The following FGF18 variants were observed in gnomAD, a reference collection of about 807,000 sequenced individuals.
FGF18 encodes fibroblast growth factor 18.
A neutral mutation model predicts 23.0 loss-of-function variants in FGF18; 5 were observed. The ratio of observed to expected loss-of-function variants is 0.22; its 90% CI spans 0.11 to 0.46. FGF18 has a LOEUF of 0.46. Among genes scored for constraint, FGF18 ranks in the 20% least tolerant of loss-of-function variants. The probability of loss-of-function intolerance (pLI) is 0.99; values close to 1 mark genes in which losing one functional copy is unlikely to be tolerated. For missense variants in FGF18, 180 were observed against 291.6 expected (o/e 0.62, Z 2.79); for synonymous variants, 117 against 118.9 (o/e 0.98, Z 0.10).
At chr5:171,429,848 T>G (rs1772150308) in intron 2 of FGF18, among the ~76,000 whole-genome samples, 2 of 152,222 alleles carry the variant, frequency 1.3e-5, no homozygotes, top group Non-Finnish European at 1.5e-5. Flanking sequence ...CCAACCTCCT[T>G]ACCCCCAAAC....
At chr5:171,454,488 A>G (rs954566165) in intron 4 of FGF18, among the ~76,000 whole-genome samples, 2 of 152,104 alleles carry the variant, frequency 1.3e-5, no homozygotes, top group Non-Finnish European at 2.9e-5. Context: ...CACGCCACCC[A>G]TACTGTCCTC....
chr5:171,456,592 C>T lies in FGF18; in HGVS notation c.411C>T (p.Asn137=). 6.2e-7 allele frequency: 1 copy of T among 1,614,202 alleles called. No homozygotes were observed. Among genetic ancestry groups the T allele is most frequent in the Non-Finnish European group, 8.5e-7 (1 of 1,180,040 alleles). Residue 137 remains asparagine (N), a synonymous_variant, in exon 5 of 5, where the codon AAC becomes AAT. Coordinates refer to ENST00000274625, the MANE Select transcript of FGF18 (RefSeq NM_003862.3). This position sits in a 1 kb window ranked among gnomAD's most constrained non-coding sequence, Gnocchi z 6.1. ...CVFIEKVLEN[N]YTALMSAKYS... is the part of the protein sequence containing the mutation. ...TCATCGAGAAGGTTCTGGAGAACAACTACACGGCCCTGATGTCGGCTAAGT... is the reference window on the plus strand; with the variant it reads ...TCATCGAGAAGGTTCTGGAGAACAATTACACGGCCCTGATGTCGGCTAAGT...
chr5:171,435,052 A>G (rs1317544899), intron 2 of FGF18, among the ~76,000 whole-genome samples: 1 of 152,156 alleles, frequency 6.6e-6, no homozygotes, highest in Non-Finnish European at 1.5e-5. Context: ...AGGGAAGAAG[A>G]AGTGCAAAGG....
rs11951165 is a variant in FGF18 at position 171,432,006 on chromosome 5, G to A, written c.70-4087G>A. 4.6e-3 allele frequency among the ~76,000 whole-genome samples: 705 copies of A among 152,178 alleles called. 8 individuals carry two copies. Among genetic ancestry groups the A allele is most frequent in the African/African-American group, 0.016 (669 of 41,522 alleles). Reference sequence around the variant, plus strand: ...GGAGGTTGCAGTGAGCCGAGATCGCGCCACTGCACTCCAGTCTGGGTGACA... The same window carrying A: ...GGAGGTTGCAGTGAGCCGAGATCGCACCACTGCACTCCAGTCTGGGTGACA... On this transcript the variant is annotated intron_variant, in intron 2 of 4. Coordinates refer to ENST00000274625, the MANE Select transcript of FGF18 (RefSeq NM_003862.3).
intron 2 of FGF18, among the ~76,000 whole-genome samples, chr5:171,424,778 A>C (rs1193305976): frequency 2.2e-5 from 3 of 135,818 alleles, no homozygotes; most frequent in Non-Finnish European, 3.1e-5. Flanking sequence ...TCCCAGAGTT[A>C]GAGGGGGGTA....
intron 3 of FGF18, among the ~76,000 whole-genome samples, chr5:171,439,494 C>T (rs905254102): frequency 6.6e-6 from 1 of 152,172 alleles, no homozygotes; most frequent in African/African-American, 2.4e-5. Flanking sequence ...CTCTTCTTGC[C>T]GTTGGTGCTG....
chr5:171,435,643 T>C (rs1205395746), intron 2 of FGF18, among the ~76,000 whole-genome samples: 1 of 152,090 alleles, frequency 6.6e-6, no homozygotes, highest in Non-Finnish European at 1.5e-5. Flanking sequence ...TCTTTCCCCA[T>C]GGACCCAGCG....
chr5:171,449,840 G>T (rs1224999186), intron 4 of FGF18, among the ~76,000 whole-genome samples: 1 of 151,362 alleles, frequency 6.6e-6, no homozygotes, highest in Non-Finnish European at 1.5e-5. Context: ...TGGGGGTGCA[G>T]GTTGGGGGGA....
intron 3 of FGF18, among the ~76,000 whole-genome samples, chr5:171,443,531 T>TTTTTTTTTTTTTTTG (rs1480484505): frequency 8.7e-6 from 1 of 115,026 alleles, no homozygotes; most frequent in African/African-American, 3.2e-5. Context: ...TTTTTTTTTT[T>TTTTTTTTTTTTTTTG]TAGCAGAGAC....
In FGF18 at chr5:171,457,517, A is replaced by T. The variant is rs914653564; in HGVS notation, c.*712A>T. On this transcript the variant is annotated 3_prime_UTR_variant, in exon 5 of 5. Transcript: ENST00000274625. ...TTTTAAAACCAGCTATATTATATAT[A>T]TTATATATATATAAGCTATTTATTT... The T allele has an allele frequency of 6.6e-6, 1 of 151,380 alleles. No homozygotes were observed. The highest frequency in any genetic ancestry group is 1.5e-5 in the Non-Finnish European group (1 of 67,992). The allele number at this position is 151,380 out of a possible 1,614,324, so 9.4% of individuals were successfully genotyped here.
rs929159639 is a variant in FGF18 at position 171,434,634 on chromosome 5, A to G, written c.70-1459A>G. Reference sequence around the variant, plus strand: ...CCTTGTGGTTGACATGGGATAGGACATGCATACAACCAGCAGGGTGTAGGG... The same window carrying G: ...CCTTGTGGTTGACATGGGATAGGACGTGCATACAACCAGCAGGGTGTAGGG... On this transcript the variant is annotated intron_variant, in intron 2 of 4. Transcript: ENST00000274625. This position sits in a 1 kb window ranked among gnomAD's most constrained non-coding sequence, Gnocchi z 4.6. Among the ~76,000 whole-genome samples, 15 of 152,158 alleles carry G rather than the reference A, an allele frequency of 9.9e-5. No individual in the cohort carries two copies. Among genetic ancestry groups the G allele is most frequent in the African/African-American group, 2.4e-4 (10 of 41,420 alleles).
At chr5:171,428,386 G>C (rs1203077780) in intron 2 of FGF18, among the ~76,000 whole-genome samples, 1 of 152,214 alleles carries the variant, frequency 6.6e-6, no homozygotes, top group Non-Finnish European at 1.5e-5. Flanking sequence ...ATGTGCTGGG[G>C]AGCAAGAGCT....
intron 2 of FGF18, among the ~76,000 whole-genome samples, chr5:171,430,031 G>A (rs766073842): frequency 6.6e-6 from 1 of 152,222 alleles, no homozygotes; most frequent in Non-Finnish European, 1.5e-5. Context: ...TAACCTCTCT[G>A]AGCCTCAGTT....
At chr5:171,454,474 T>A (rs1416909462) in intron 4 of FGF18, among the ~76,000 whole-genome samples, 3 of 152,220 alleles carry the variant, frequency 2.0e-5, no homozygotes, top group Non-Finnish European at 4.4e-5. Context: ...AGACCTTCGC[T>A]GCTCACGCCA....
intron 2 of FGF18, among the ~76,000 whole-genome samples, chr5:171,420,942 C>T (rs1190055774): frequency 6.6e-6 from 1 of 152,204 alleles, no homozygotes; most frequent in Non-Finnish European, 1.5e-5. Context: ...GACACACACA[C>T]ATGCCCGGGA....
Position 171,456,033 on chromosome 5 carries a change from C to T in FGF18, c.358-506C>T, listed in dbSNP as rs1772574782. On this transcript the variant is annotated intron_variant, in intron 4 of 4. Coordinates refer to ENST00000274625, the MANE Select transcript of FGF18 (RefSeq NM_003862.3). This position sits in a 1 kb window ranked among gnomAD's most constrained non-coding sequence, Gnocchi z 6.1. ...CCAGCCACAGCCTCCTGCCCATGCC[C>T]CTTGTACCTGCTGTCTCCTCTCTCT... 6.6e-6 allele frequency among the ~76,000 whole-genome samples: 1 copy of T among 152,174 alleles called. No homozygotes were observed. Among genetic ancestry groups the T allele is most frequent in the South Asian group, 2.1e-4 (1 of 4,824 alleles).
At chr5:171,455,857 G>A (rs1425626844) in intron 4 of FGF18, among the ~76,000 whole-genome samples, 2 of 152,180 alleles carry the variant, frequency 1.3e-5, no homozygotes, top group Admixed American at 1.3e-4. Context: ...GAGCCATTGG[G>A]CTATCTGGGT....
chr5:171,439,140 G>C (rs969530642), intron 3 of FGF18, among the ~76,000 whole-genome samples: 1 of 152,204 alleles, frequency 6.6e-6, no homozygotes, highest in African/African-American at 2.4e-5. Flanking sequence ...GGCTCTGTGG[G>C]TGGGCACGAG....
chr5:171,454,644 C>G (rs1441472617), intron 4 of FGF18, among the ~76,000 whole-genome samples: 2 of 152,242 alleles, frequency 1.3e-5, no homozygotes, highest in Admixed American at 1.3e-4. Context: ...AGCTTGCCCT[C>G]TGCTCAAAGG....
Sources: allele counts gnomAD v4.1 joint callset (sites outside exome capture counted in the v4.1 genomes callset), GRCh38; gene constraint gnomAD v4.1.1; non-coding constraint Gnocchi (gnomAD v3.1); transcripts MANE v1.5; gene names NCBI Gene and HGNC (gene_info 2026-07-23, HGNC 2026-07-21).